CPAMD8: variants seen among roughly 807,000 people sequenced by gnomAD.
The protein encoded by CPAMD8 is C3 and PZP like alpha-2-macroglobulin domain containing 8.
Under a neutral mutation model 224.7 loss-of-function variants are expected in CPAMD8, and 146 were observed. That is an observed-to-expected ratio of 0.65 (90% CI 0.57 to 0.75). The LOEUF is 0.75. CPAMD8 is among the 30% of genes least tolerant of loss of function. The pLI is 0.00. For synonymous variants in CPAMD8, 966 were observed against 1,044.6 expected, an observed-to-expected ratio of 0.92 and a Z score of 1.45; for missense variants, 2,301 against 2,537.5, an observed-to-expected ratio of 0.91 and a Z score of 2.00.
At position 16,918,930 on chromosome 19, in the gene CPAMD8, C is replaced by T. The variant is rs546596768; in HGVS notation, c.3629+2975G>A. Reference sequence around the variant, plus strand: ...CTAAAAGCATCTTGGAGCCCAGGCACGGTGGCTCACACCTGTAATCTCAGC... The same window carrying T: ...CTAAAAGCATCTTGGAGCCCAGGCATGGTGGCTCACACCTGTAATCTCAGC... On this transcript the variant is annotated intron_variant, in intron 27 of 41. Coordinates refer to ENST00000443236, the MANE Select transcript of CPAMD8 (RefSeq NM_015692.5). Among the ~76,000 whole-genome samples, 10 of 152,086 alleles carry T rather than the reference C, an allele frequency of 6.6e-5. No individual in the cohort carries two copies. The East Asian group carries it at 7.7e-4, about 12-fold the overall frequency.
intron 22 of CPAMD8, among the ~76,000 whole-genome samples, chr19:16,942,326 G>T (rs1413647345): frequency 6.6e-6 from 1 of 152,092 alleles, no homozygotes; most frequent in South Asian, 2.1e-4. Context: ...GCCAGGTGTG[G>T]TGGTGCATGC....
chr19:16,976,163 T>C lies in CPAMD8; in HGVS notation c.1759-12A>G. ...TACGTCACTGAAACCTTGGCGCAAA[T>C]GCAGCAAGGGATAAGAAACTTGGTT... On this transcript the variant is annotated splice_polypyrimidine_tract_variant and intron_variant, in intron 15 of 41. Coordinates refer to ENST00000443236, the MANE Select transcript of CPAMD8 (RefSeq NM_015692.5). The C allele has an allele frequency of 6.2e-7, 1 of 1,607,684 alleles. No homozygotes were observed. Among genetic ancestry groups the C allele is most frequent in the Non-Finnish European group, 8.5e-7 (1 of 1,176,388 alleles).
intron 13 of CPAMD8, among the ~76,000 whole-genome samples, chr19:16,989,130 A>G (rs1047527821): frequency 1.3e-5 from 2 of 152,138 alleles, no homozygotes; most frequent in East Asian, 3.8e-4. Flanking sequence ...ATATATTGCA[A>G]TGTCATAATA....
chr19:16,966,793 C>T (rs1599800325), intron 18 of CPAMD8, among the ~76,000 whole-genome samples: 1 of 152,244 alleles, frequency 6.6e-6, no homozygotes, highest in East Asian at 1.9e-4. Flanking sequence ...AATGAGATAC[C>T]ATCTCATGCC....
At chr19:16,989,226 T>C (rs62125981) in intron 13 of CPAMD8, among the ~76,000 whole-genome samples, 19,684 of 152,054 alleles carry the variant, frequency 0.13, 1,519 homozygotes, top group African/African-American at 0.2. Context: ...TGTGGAAAAA[T>C]TGTCTTCCAC....
At chr19:16,915,818 CGCCTGCCT>C (rs1010064130) in intron 27 of CPAMD8, among the ~76,000 whole-genome samples, 1 of 130,480 alleles carries the variant, frequency 7.7e-6, no homozygotes, top group Non-Finnish European at 1.7e-5. Flanking sequence ...CCCGCCTGCC[CGCCTGCCT>C]GCCTTCCTTC....
chr19:16,977,061 T>C lies in CPAMD8; in HGVS notation c.1758+307A>G, dbSNP rs146989043. 6.4e-3 allele frequency among the ~76,000 whole-genome samples: 967 copies of C among 151,886 alleles called. 5 individuals are homozygous for C. The highest frequency in any genetic ancestry group is 0.022 in the African/African-American group (919 of 41,428). ...CGTCTCAAAATAATAATAATAATAA[T>C]AAAGTTGTTGCAGGGAGGGGGAGAG... On this transcript the variant is annotated intron_variant, in intron 15 of 41. Coordinates refer to ENST00000443236, the MANE Select transcript of CPAMD8 (RefSeq NM_015692.5).
chr19:16,976,959 T>G (rs939466350), intron 15 of CPAMD8, among the ~76,000 whole-genome samples: 8 of 152,076 alleles, frequency 5.3e-5, no homozygotes, highest in African/African-American at 1.9e-4. Flanking sequence ...GGAGAATTGC[T>G]TGAACCCGGG....
chr19:17,008,241 C>T lies in CPAMD8; in HGVS notation c.559+264G>A, dbSNP rs972844890. ...GGTCTTGAGTTCTGAGCAGGAGCCC[C>T]GCCTGAGTCCTGGGCATAGAGAAAC... On this transcript the variant is annotated intron_variant, in intron 7 of 41. Transcript: ENST00000443236. 3.9e-5 allele frequency among the ~76,000 whole-genome samples: 6 copies of T among 152,280 alleles called. No individual in the cohort carries two copies. In the East Asian group the frequency reaches 5.8e-4, roughly 15 times the overall value.
intron 21 of CPAMD8, among the ~76,000 whole-genome samples, chr19:16,946,360 G>GGT (rs751298259): frequency 9.5e-5 from 14 of 147,166 alleles, no homozygotes; most frequent in African/African-American, 2.5e-4. Flanking sequence ...TACACGTGGG[G>GGT]GTGTGTGTGT....
intron 9 of CPAMD8, 42 bp downstream of exon 9, chr19:17,002,224 G>T: frequency 7.6e-7 from 1 of 1,317,992 alleles, no homozygotes; most frequent in South Asian, 1.2e-5. Context: ...TGGGGAAGGG[G>T]AAGGGCCCCC....
intron 14 of CPAMD8, among the ~76,000 whole-genome samples, chr19:16,979,216 CTA>C (rs2055399771): frequency 6.6e-6 from 1 of 151,074 alleles, no homozygotes. Context: ...CGCCCACCCA[CTA>C]TCCATCCATC....
intron 18 of CPAMD8, among the ~76,000 whole-genome samples, chr19:16,958,988 G>A (rs1186914771): frequency 4.0e-5 from 6 of 151,526 alleles, no homozygotes; most frequent in Non-Finnish European, 5.9e-5. Flanking sequence ...TAGTAGAGAC[G>A]CAGTTTCACC....
chr19:16,924,373 G>C (rs1345478875), intron 26 of CPAMD8, among the ~76,000 whole-genome samples: 1 of 152,034 alleles, frequency 6.6e-6, no homozygotes, highest in Non-Finnish European at 1.5e-5. Flanking sequence ...TCACGAGGAG[G>C]GCTCATTCAA....
chr19:17,006,045 C>A (rs189215150), intron 7 of CPAMD8, among the ~76,000 whole-genome samples: 9 of 151,996 alleles, frequency 5.9e-5, no homozygotes, highest in Admixed American at 2.6e-4. Context: ...GCTCATGCAA[C>A]CTTCACTCCC....
chr19:17,024,080 A>T (rs558902271), intron 1 of CPAMD8, among the ~76,000 whole-genome samples: 35 of 152,362 alleles, frequency 2.3e-4, no homozygotes, highest in Admixed American at 6.5e-4. Flanking sequence ...CTTGAGTAAG[A>T]TACCAAAAAT....
intron 16 of CPAMD8, among the ~76,000 whole-genome samples, chr19:16,975,615 G>A (rs2055238914): frequency 6.6e-6 from 1 of 152,126 alleles, no homozygotes; most frequent in South Asian, 2.1e-4. Flanking sequence ...GGCTGAGGTG[G>A]GAGGATCGTT....
chr19:16,904,122 G>A lies in CPAMD8; in HGVS notation c.4251+104C>T, dbSNP rs1039638782. On this transcript the variant is annotated intron_variant, in intron 32 of 41. Transcript: ENST00000443236. ...TGCCCTCTTTGGGGCTCCATAAGGT[G>A]AGAAGGGGCCAGACTGCCTGGCCAC... is the stretch of plus-strand genomic sequence containing the variant. The A allele has an allele frequency of 1.3e-4, 164 of 1,279,114 alleles. 1 individual carries two copies. Among genetic ancestry groups the A allele is most frequent in the Admixed American group, 2.1e-4 (10 of 47,764 alleles). The allele number at this position is 1,279,114 out of a possible 1,614,324, so 79.2% of individuals were successfully genotyped here. A position where few individuals can be genotyped will look rare whatever the true frequency, so the allele number is the denominator to read the frequency against.
chr19:17,022,903 C>T (rs1599939980), intron 1 of CPAMD8, among the ~76,000 whole-genome samples: 1 of 151,990 alleles, frequency 6.6e-6, no homozygotes, highest in African/African-American at 2.4e-5. Flanking sequence ...CGGTGCACCC[C>T]GTCCCCCACC....
Sources: allele counts gnomAD v4.1 joint callset (sites outside exome capture counted in the v4.1 genomes callset), GRCh38; gene constraint gnomAD v4.1.1; transcripts MANE v1.5; gene names NCBI Gene and HGNC (gene_info 2026-07-23, HGNC 2026-07-21).